Variants in SNTG1 observed in about 807,000 individuals in gnomAD.
The protein encoded by SNTG1 is syntrophin gamma 1.
SNTG1 carries 39 observed loss-of-function variants against 74.7 expected under a neutral mutation model. The observed-to-expected ratio is 0.52, with a 90% CI of 0.40 to 0.68. The LOEUF (loss-of-function observed/expected upper bound fraction) is 0.68, where lower values mean the gene tolerates loss of function less well. Ranked by LOEUF, SNTG1 falls within the 30% of genes least tolerant of loss-of-function variation. The pLI is 0.00. For synonymous variants in SNTG1, 254 were observed against 217.1 expected (o/e 1.17, Z -1.49); for missense variants, 685 against 609.5 (o/e 1.12, Z -1.30).
intron 2 of SNTG1, among the ~76,000 whole-genome samples, chr8:50,330,115 G>A (rs966157174): frequency 2.0e-4 from 31 of 152,236 alleles, no homozygotes; most frequent in African/African-American, 6.7e-4. Context: ...CCCAAATGTG[G>A]TGGGACTCAG....
chr8:50,721,896 G>T lies in SNTG1; in HGVS notation c.1284+12918G>T, dbSNP rs79693843. Among the ~76,000 whole-genome samples the T allele has an allele frequency of 7.2e-3, 1,095 of 152,148 alleles. 10 individuals are homozygous for T. The highest frequency in any genetic ancestry group is 0.025 in the African/African-American group (1,050 of 41,496). ...ATGTTGCTTCACTGAAAGAACAGCA[G>T]ACTCTCAGAATGCATCACACACACT... is the stretch of plus-strand genomic sequence containing the variant. On this transcript the variant is annotated intron_variant, in intron 17 of 18. Coordinates refer to ENST00000642720, the MANE Select transcript of SNTG1 (RefSeq NM_018967.5).
chr8:50,291,665 T>A (rs1237938196), intron 2 of SNTG1, among the ~76,000 whole-genome samples: 1 of 152,084 alleles, frequency 6.6e-6, no homozygotes, highest in Non-Finnish European at 1.5e-5. Context: ...TATGATAAAA[T>A]GACTGTCTTT....
At chr8:50,613,994 T>C (rs771413651) in intron 13 of SNTG1, among the ~76,000 whole-genome samples, 33 of 152,260 alleles carry the variant, frequency 2.2e-4, no homozygotes, top group South Asian at 8.3e-4. Context: ...TTTAGAATGA[T>C]GTCTATGAGA....
At position 50,201,911 on chromosome 8, in the gene SNTG1, C is replaced by A. The variant is rs576030856; in HGVS notation, c.-28+29276C>A. On this transcript the variant is annotated intron_variant, in intron 2 of 18. Transcript: ENST00000642720. Reference sequence around the variant, plus strand: ...TCAATAGTTAGAAACATGGCTCCCACCATCAAACAGCCATTTACTGATGTA... The same window carrying A: ...TCAATAGTTAGAAACATGGCTCCCAACATCAAACAGCCATTTACTGATGTA... Among the ~76,000 whole-genome samples, 12 of 152,264 alleles carry A rather than the reference C, an allele frequency of 7.9e-5. No individual in the cohort carries two copies. In the South Asian group the frequency reaches 8.3e-4, roughly 11 times the overall value.
chr8:50,252,074 A>G (rs1178880057), intron 2 of SNTG1, among the ~76,000 whole-genome samples: 1 of 152,138 alleles, frequency 6.6e-6, no homozygotes, highest in Non-Finnish European at 1.5e-5. Context: ...AACCTTACAA[A>G]TACATGAAAA....
intron 2 of SNTG1, among the ~76,000 whole-genome samples, chr8:50,274,174 C>T (rs1235598918): frequency 6.6e-6 from 1 of 151,942 alleles, no homozygotes; most frequent in African/African-American, 2.4e-5. Flanking sequence ...TGCACCCTCG[C>T]CTCCCAGGTT....
intron 1 of SNTG1, among the ~76,000 whole-genome samples, chr8:50,123,432 T>C (rs557229041): frequency 1.4e-5 from 2 of 142,376 alleles, no homozygotes; most frequent in Non-Finnish European, 3.1e-5. Flanking sequence ...AGCAAGCAAA[T>C]GATTCAGTTA....
intron 2 of SNTG1, among the ~76,000 whole-genome samples, chr8:50,277,899 C>T (rs993677882): frequency 1.4e-4 from 22 of 152,262 alleles, no homozygotes; most frequent in African/African-American, 5.1e-4. Flanking sequence ...CTAGGAAGAG[C>T]ACGCTGGCTC....
intron 15 of SNTG1, among the ~76,000 whole-genome samples, chr8:50,694,574 A>T (rs990255107): frequency 2.6e-5 from 4 of 152,218 alleles, no homozygotes; most frequent in African/African-American, 7.2e-5. Flanking sequence ...ACACTTCCAA[A>T]CTCTTTTTAT....
intron 2 of SNTG1, among the ~76,000 whole-genome samples, chr8:50,200,681 C>T (rs1429309814): frequency 6.6e-6 from 1 of 151,986 alleles, no homozygotes; most frequent in African/African-American, 2.4e-5. Flanking sequence ...GCAAGGATAC[C>T]TCAACTGATG....
rs567503509 is a variant in SNTG1 at position 50,141,226 on chromosome 8, T to C, written c.-102-31335T>C. Among the ~76,000 whole-genome samples the C allele has an allele frequency of 5.3e-5, 8 of 152,330 alleles. No individual in the cohort carries two copies. The East Asian group carries it at 1.2e-3, about 22-fold the overall frequency. On this transcript the variant is annotated intron_variant, in intron 1 of 18. Coordinates refer to ENST00000642720, the MANE Select transcript of SNTG1 (RefSeq NM_018967.5). ...ATGGGAATAGGATTGCCAGATCAGA[T>C]AGTAAGTGCAGGATTGCTACATCAG...
intron 1 of SNTG1, among the ~76,000 whole-genome samples, chr8:50,063,635 T>A (rs1441413425): frequency 6.6e-6 from 1 of 152,236 alleles, no homozygotes. Flanking sequence ...ATGCATTCTT[T>A]GTAAATAGAA....
rs370558200 is a variant in SNTG1 at position 50,553,199 on chromosome 8, A to G, written c.810+20A>G. On this transcript the variant is annotated intron_variant, in intron 12 of 18. Coordinates refer to ENST00000642720, the MANE Select transcript of SNTG1 (RefSeq NM_018967.5). The stretch of plus-strand genomic sequence containing the variant: ...CACAATGTAAGTAATGATTCAAGGA[A>G]TACCTAGCCAGGGTTTCTCAGGCTT... 21 of 1,613,196 alleles carry G rather than the reference A, an allele frequency of 1.3e-5. No individual in the cohort carries two copies. Among genetic ancestry groups the G allele is most frequent in the Non-Finnish European group, 1.8e-5 (21 of 1,179,624 alleles).
In SNTG1 at chr8:50,303,569, T is replaced by C. The variant is rs553908013; in HGVS notation, c.-27-90643T>C. Among the ~76,000 whole-genome samples, 24 of 152,160 alleles carry C rather than the reference T, an allele frequency of 1.6e-4. 1 individual carries two copies. The South Asian group carries it at 4.6e-3, about 29-fold the overall frequency. Reference sequence around the variant, plus strand: ...AATATGTATAATTTCATAGAACATATTACATCTTCTAGAAATAAGAAATAT... The same window carrying C: ...AATATGTATAATTTCATAGAACATACTACATCTTCTAGAAATAAGAAATAT... On this transcript the variant is annotated intron_variant, in intron 2 of 18. Coordinates refer to ENST00000642720, the MANE Select transcript of SNTG1 (RefSeq NM_018967.5).
Position 50,035,991 on chromosome 8 carries a change from C to T in SNTG1, c.-103+123760C>T, listed in dbSNP as rs185216800. Among the ~76,000 whole-genome samples, 4 of 152,098 alleles carry T rather than the reference C, an allele frequency of 2.6e-5. No homozygotes were observed. In the East Asian group the frequency reaches 7.8e-4, roughly 30 times the overall value. ...AAAAAAAGCAAGGGAAAATATAGGC[C>T]ATAAGGAATCAATCCTGCAAAATTA... On this transcript the variant is annotated intron_variant, in intron 1 of 18. Transcript: ENST00000642720.
At chr8:50,616,128 T>G (rs2094884232) in intron 13 of SNTG1, among the ~76,000 whole-genome samples, 1 of 152,226 alleles carries the variant, frequency 6.6e-6, no homozygotes, top group South Asian at 2.1e-4. Flanking sequence ...GTCAACTGAT[T>G]GTAAATGTTA....
At chr8:50,041,398 A>G (rs1818629644) in intron 1 of SNTG1, among the ~76,000 whole-genome samples, 2 of 152,232 alleles carry the variant, frequency 1.3e-5, no homozygotes, top group African/African-American at 4.8e-5. Context: ...AACTAAAATA[A>G]CACTAATAAA....
intron 1 of SNTG1, among the ~76,000 whole-genome samples, chr8:50,032,369 G>A (rs28648875): frequency 0.03 from 4,513 of 151,534 alleles, 241 homozygotes; most frequent in African/African-American, 0.1. Flanking sequence ...TTTTTGAGAT[G>A]GCAGATTAGA....
intron 8 of SNTG1, among the ~76,000 whole-genome samples, chr8:50,492,449 G>C (rs541048668): frequency 6.6e-6 from 1 of 152,184 alleles, no homozygotes; most frequent in Non-Finnish European, 1.5e-5. Context: ...GGTGTGAGAT[G>C]GTATCTCAGT....
Sources: gnomAD v4.1 joint callset for allele counts (sites outside exome capture counted in the v4.1 genomes callset) on GRCh38, gnomAD v4.1.1 for gene constraint, MANE v1.5 for transcripts, NCBI Gene and HGNC (gene_info 2026-07-23, HGNC 2026-07-21) for gene names.